The following ATP10B variants were observed in gnomAD, a reference collection of about 807,000 sequenced individuals.
ATP10B encodes ATPase phospholipid transporting 10B (putative), also known as phospholipid-transporting ATPase VB.
In ATP10B, 122 loss-of-function variants were observed where a neutral mutation model predicts 141.2. That is an observed-to-expected ratio of 0.86 (90% CI 0.75 to 1.00). The LOEUF is 1.00. Ranked by LOEUF, ATP10B falls within the 50% of genes least tolerant of loss-of-function variation. The pLI, the probability that ATP10B is intolerant of heterozygous loss-of-function variation, is 0.00. For missense variants in ATP10B, 1,876 were observed against 1,825.3 expected (o/e 1.03, Z -0.51); for synonymous variants, 685 against 692.0 (o/e 0.99, Z 0.16).
chr5:160,740,987 C>A (rs1018734699), intron 2 of ATP10B, among the ~76,000 whole-genome samples: 1 of 152,236 alleles, frequency 6.6e-6, no homozygotes, highest in Non-Finnish European at 1.5e-5. Context: ...AATCCTTACT[C>A]CCCTTGCTTC....
chr5:160,907,216 C>T, the ATP10B span, among the ~76,000 whole-genome samples: 1 of 151,998 alleles, frequency 6.6e-6, no homozygotes, highest in African/African-American at 2.4e-5. Flanking sequence ...TACCTGAAAT[C>T]TTTCTAATAA....
chr5:160,757,530 T>A (rs1239186810), intron 2 of ATP10B, among the ~76,000 whole-genome samples: 1 of 152,200 alleles, frequency 6.6e-6, no homozygotes, highest in Non-Finnish European at 1.5e-5. Context: ...AGATTAGACA[T>A]GATATAATTA....
intron 16 of ATP10B, among the ~76,000 whole-genome samples, chr5:160,617,507 T>G (rs1758090671): frequency 6.6e-6 from 1 of 152,196 alleles, no homozygotes; most frequent in African/African-American, 2.4e-5. Context: ...GAAATCTAGA[T>G]TTTTATGTGA....
rs184223923 is a variant in ATP10B, at chr5:160,626,946, C to T, written c.1621-4361G>A. ...ATCCAGAGAAGGAAATAAACAGGAACCCTGGTTCCTGAGCTTTGAAGAAAA... is the reference window on the plus strand; with the variant it reads ...ATCCAGAGAAGGAAATAAACAGGAATCCTGGTTCCTGAGCTTTGAAGAAAA... On this transcript the variant is annotated intron_variant, in intron 13 of 25. Transcript: ENST00000327245. Among the ~76,000 whole-genome samples the T allele has an allele frequency of 2.8e-4, 43 of 152,282 alleles. No individual in the cohort carries two copies. In the South Asian group the frequency reaches 7.0e-3, roughly 25 times the overall value.
chr5:160,758,057 A>G (rs1768761162), intron 2 of ATP10B, among the ~76,000 whole-genome samples: 2 of 152,200 alleles, frequency 1.3e-5, no homozygotes, highest in African/African-American at 4.8e-5. Context: ...GGCTATAGGG[A>G]GTCAACATTT....
In ATP10B at chr5:160,747,362, C is replaced by T. The variant is rs143057151; in HGVS notation, c.-330-30328G>A. Among the ~76,000 whole-genome samples the T allele has an allele frequency of 2.3e-3, 355 of 152,260 alleles. 1 individual carries two copies. The highest frequency in any genetic ancestry group is 3.2e-3 in the Non-Finnish European group (216 of 68,028). On this transcript the variant is annotated intron_variant, in intron 2 of 25. Transcript: ENST00000327245. ...GATAGCAGTCCTCTAAACAGCCTGGCGTGGGTTGAATCCTGTCCCACCAAA... is the reference window on the plus strand; with the variant it reads ...GATAGCAGTCCTCTAAACAGCCTGGTGTGGGTTGAATCCTGTCCCACCAAA...
At position 160,719,038 on chromosome 5, in the gene ATP10B, G is replaced by A. The variant is rs117269334; in HGVS notation, c.-330-2004C>T. 1.4e-3 allele frequency among the ~76,000 whole-genome samples: 212 copies of A among 152,290 alleles called. No homozygotes were observed. The East Asian group carries it at 0.02, about 15-fold the overall frequency. On this transcript the variant is annotated intron_variant, in intron 2 of 25. Transcript: ENST00000327245. The stretch of plus-strand genomic sequence containing the variant: ...TCGTCAGAGTTCTTTGGACTGGGAC[G>A]GAACAATTAGCCAATAAATAAAAAA...
chr5:160,786,367 A>G (rs1335779979), intron 1 of ATP10B, among the ~76,000 whole-genome samples: 4 of 152,144 alleles, frequency 2.6e-5, no homozygotes, highest in Admixed American at 2.6e-4. Context: ...TGAACTATAC[A>G]TACCCTTCTC....
chr5:160,699,709 T>C (rs988945695), intron 3 of ATP10B, among the ~76,000 whole-genome samples: 1 of 151,882 alleles, frequency 6.6e-6, no homozygotes, highest in South Asian at 2.1e-4. Context: ...TTAATCAGCA[T>C]TTGGGGTAAA....
chr5:160,899,488 G>A, the ATP10B span, among the ~76,000 whole-genome samples: 1 of 152,114 alleles, frequency 6.6e-6, no homozygotes, highest in Non-Finnish European at 1.5e-5. Context: ...TGGTTTCACA[G>A]GGTATGTCTA....
chr5:160,818,401 G>T (rs191521761), intron 1 of ATP10B, among the ~76,000 whole-genome samples: 156 of 152,318 alleles, frequency 1.0e-3, no homozygotes, highest in Non-Finnish European at 2.0e-3. Context: ...ATGAAAAAAT[G>T]CTCATTATCA....
chr5:160,890,041 G>A, the ATP10B span, among the ~76,000 whole-genome samples: 1 of 152,116 alleles, frequency 6.6e-6, no homozygotes, highest in East Asian at 1.9e-4. Context: ...ACTCCCTCCT[G>A]GCAATGTGGT....
the ATP10B span, among the ~76,000 whole-genome samples, chr5:160,901,153 C>T: frequency 6.6e-6 from 1 of 152,060 alleles, no homozygotes; most frequent in Admixed American, 6.6e-5. Flanking sequence ...GAATGCTTTG[C>T]AAATATTGCG....
At chr5:160,906,596 C>T in the ATP10B span, among the ~76,000 whole-genome samples, 3 of 152,326 alleles carry the variant, frequency 2.0e-5, no homozygotes, top group Admixed American at 2.0e-4. Context: ...GATCTATACA[C>T]CCATCTCTAC....
intron 8 of ATP10B, among the ~76,000 whole-genome samples, chr5:160,646,216 A>G (rs917629061): frequency 3.3e-5 from 5 of 152,130 alleles, no homozygotes; most frequent in African/African-American, 7.2e-5. Flanking sequence ...TAGGGTACCT[A>G]AAGTACTACC....
chr5:160,878,836 A>T, the ATP10B span, among the ~76,000 whole-genome samples: 3 of 150,514 alleles, frequency 2.0e-5, no homozygotes, highest in Non-Finnish European at 4.5e-5. Flanking sequence ...CCACAATGAG[A>T]TACCATCTCA....
chr5:160,807,353 G>A (rs185190577), intron 1 of ATP10B, among the ~76,000 whole-genome samples: 1 of 152,244 alleles, frequency 6.6e-6, no homozygotes. Context: ...CATATGCCTA[G>A]ATTACCTATT....
At chr5:160,811,076 G>A (rs1316551164) in intron 1 of ATP10B, among the ~76,000 whole-genome samples, 2 of 152,174 alleles carry the variant, frequency 1.3e-5, no homozygotes, top group Non-Finnish European at 2.9e-5. Flanking sequence ...TGGGCCAGAA[G>A]GGAATCTCTG....
intron 3 of ATP10B, among the ~76,000 whole-genome samples, chr5:160,696,145 C>T (rs932406907): frequency 6.6e-6 from 1 of 152,062 alleles, no homozygotes; most frequent in Admixed American, 6.6e-5. Context: ...CTCACTCTGT[C>T]GCCCAGGCTG....
Sources: allele counts gnomAD v4.1 joint callset (sites outside exome capture counted in the v4.1 genomes callset), GRCh38; gene constraint gnomAD v4.1.1; transcripts MANE v1.5; gene names NCBI Gene and HGNC (gene_info 2026-07-23, HGNC 2026-07-21).